The following NIM1K variants were observed in gnomAD, a reference collection of about 807,000 sequenced individuals.
NIM1K encodes the protein NIM1 serine/threonine protein kinase, also known as serine/threonine-protein kinase NIM1.
Under a neutral mutation model 37.1 loss-of-function variants are expected in NIM1K, and 35 were observed. The observed-to-expected ratio is 0.94, with a 90% CI of 0.72 to 1.25. The LOEUF is 1.25. NIM1K is among the 50% of genes most tolerant of loss of function. The pLI is 0.00. For synonymous variants in NIM1K, 234 were observed against 206.6 expected (o/e 1.13, Z -1.14); for missense variants, 564 against 548.0 (o/e 1.03, Z -0.29).
intron 2 of NIM1K, among the ~76,000 whole-genome samples, chr5:43,275,881 G>A (rs960627667): frequency 6.6e-6 from 1 of 151,284 alleles, no homozygotes; most frequent in Non-Finnish European, 1.5e-5. Context: ...ATAAAGAAAC[G>A]CCTGAAATTG....
chr5:43,204,676 GC>G (rs1488427048), intron 1 of NIM1K, among the ~76,000 whole-genome samples: 1 of 142,908 alleles, frequency 7.0e-6, no homozygotes, highest in Non-Finnish European at 1.5e-5. Flanking sequence ...CTGCAGTCCA[GC>G]CTGGGCAACA....
At chr5:43,209,279 A>G (rs2112214339) in intron 1 of NIM1K, among the ~76,000 whole-genome samples, 1 of 152,276 alleles carries the variant, frequency 6.6e-6, no homozygotes, top group South Asian at 2.1e-4. Context: ...GTCTACCCGC[A>G]TTTGAGGTAT....
intron 2 of NIM1K, among the ~76,000 whole-genome samples, chr5:43,257,910 A>C (rs1180731826): frequency 6.6e-6 from 1 of 152,004 alleles, no homozygotes; most frequent in Non-Finnish European, 1.5e-5. Context: ...CAAAACCAAA[A>C]CCAAAAAAAC....
At chr5:43,252,007 G>A (rs1752873434) in intron 2 of NIM1K, among the ~76,000 whole-genome samples, 2 of 151,972 alleles carry the variant, frequency 1.3e-5, no homozygotes, top group Admixed American at 1.3e-4. Context: ...TGGGAAGGGA[G>A]AAAATTGACA....
chr5:43,260,294 T>C (rs1753007783), intron 2 of NIM1K, among the ~76,000 whole-genome samples: 1 of 152,206 alleles, frequency 6.6e-6, no homozygotes, highest in South Asian at 2.1e-4. Flanking sequence ...TGGGCATTCT[T>C]GTCTTGTTCC....
chr5:43,197,700 T>C (rs1751939113), intron 1 of NIM1K, among the ~76,000 whole-genome samples: 1 of 152,192 alleles, frequency 6.6e-6, no homozygotes, highest in African/African-American at 2.4e-5. Flanking sequence ...CCTACATTTC[T>C]CTATCTTTCA....
intron 2 of NIM1K, among the ~76,000 whole-genome samples, chr5:43,272,221 G>T (rs1753267396): frequency 6.6e-6 from 1 of 152,084 alleles, no homozygotes; most frequent in Non-Finnish European, 1.5e-5. Context: ...CCTACCTCAA[G>T]ATCTTCTGTC....
At chr5:43,256,819 G>A (rs532009126) in intron 2 of NIM1K, among the ~76,000 whole-genome samples, 15 of 152,294 alleles carry the variant, frequency 9.8e-5, no homozygotes, top group African/African-American at 3.4e-4. Flanking sequence ...ATAACTCTTA[G>A]CAGGATTCAC....
At chr5:43,210,210 G>C (rs1369918162) in intron 1 of NIM1K, among the ~76,000 whole-genome samples, 4 of 151,866 alleles carry the variant, frequency 2.6e-5, no homozygotes, top group Admixed American at 1.3e-4. Flanking sequence ...GGGGAGGAGA[G>C]GGGAAAATTT....
intron 1 of NIM1K, chr5:43,207,153 C>A (rs1221960718): frequency 1.4e-6 from 1 of 729,944 alleles, no homozygotes; most frequent in Non-Finnish European, 2.6e-6. Flanking sequence ...ATTCTACACT[C>A]GAAGCAGTTT....
intron 1 of NIM1K, among the ~76,000 whole-genome samples, chr5:43,243,552 A>T (rs1274793062): frequency 1.3e-5 from 2 of 152,152 alleles, no homozygotes; most frequent in Non-Finnish European, 2.9e-5. Flanking sequence ...TTGGCTGAGT[A>T]CAGTGGTTCA....
chr5:43,269,597 GT>G (rs1456204513), intron 2 of NIM1K, among the ~76,000 whole-genome samples: 2 of 151,878 alleles, frequency 1.3e-5, no homozygotes, highest in Non-Finnish European at 2.9e-5. Context: ...TTGTGTGTGT[GT>G]GTGTGTTATT....
chr5:43,194,599 A>C (rs923291433), intron 1 of NIM1K, among the ~76,000 whole-genome samples: 16 of 152,182 alleles, frequency 1.1e-4, no homozygotes, highest in Admixed American at 3.3e-4. Flanking sequence ...AAAAGGTTTA[A>C]TTTGGGGCAA....
intron 1 of NIM1K, among the ~76,000 whole-genome samples, chr5:43,204,541 A>G (rs1752080822): frequency 6.7e-6 from 1 of 150,364 alleles, no homozygotes. Context: ...GTCTCTACTA[A>G]AAAAATACAA....
chr5:43,260,512 A>G (rs1393693872), intron 2 of NIM1K, among the ~76,000 whole-genome samples: 1 of 152,150 alleles, frequency 6.6e-6, no homozygotes, highest in East Asian at 1.9e-4. Flanking sequence ...CTCTTTCTGC[A>G]TCTATTAAGA....
intron 1 of NIM1K, among the ~76,000 whole-genome samples, chr5:43,200,423 C>T (rs1280387143): frequency 6.6e-6 from 1 of 152,152 alleles, no homozygotes; most frequent in East Asian, 1.9e-4. Context: ...GCCTCAGCCT[C>T]CCGAGTAGCT....
At chr5:43,253,087 C>T (rs1752889555) in intron 2 of NIM1K, among the ~76,000 whole-genome samples, 1 of 148,520 alleles carries the variant, frequency 6.7e-6, no homozygotes, top group South Asian at 2.1e-4. Context: ...AAGTGATTCA[C>T]CCACCTCAGC....
intron 1 of NIM1K, among the ~76,000 whole-genome samples, chr5:43,227,146 A>G (rs36116359): frequency 0.29 from 44,819 of 151,986 alleles, 7,115 homozygotes; most frequent in East Asian, 0.62. Context: ...GGATCACCTG[A>G]GGTCAGGAGT....
chr5:43,272,338 C>T (rs1219784054), intron 2 of NIM1K, among the ~76,000 whole-genome samples: 2 of 151,976 alleles, frequency 1.3e-5, no homozygotes, highest in Non-Finnish European at 2.9e-5. Context: ...AGGAGTACAT[C>T]CCCCTGTTTT....
Sources: allele counts gnomAD v4.1 joint callset (sites outside exome capture counted in the v4.1 genomes callset), GRCh38; gene constraint gnomAD v4.1.1; transcripts MANE v1.5; gene names NCBI Gene and HGNC (gene_info 2026-07-23, HGNC 2026-07-21).